Variants in MINDY3 observed in about 807,000 individuals in gnomAD.
The protein encoded by MINDY3 is MINDY lysine 48 deubiquitinase 3, also known as ubiquitin carboxyl-terminal hydrolase MINDY-3.
MINDY3 carries 38 observed loss-of-function variants against 69.2 expected under a neutral mutation model. The ratio of observed to expected loss-of-function variants is 0.55; its 90% CI spans 0.42 to 0.72. The LOEUF (loss-of-function observed/expected upper bound fraction) is 0.72, where lower values mean the gene tolerates loss of function less well. Ranked by LOEUF, MINDY3 falls within the 30% of genes least tolerant of loss-of-function variation. The pLI is 0.00. For missense variants in MINDY3, 522 were observed against 519.0 expected, an observed-to-expected ratio of 1.01 and a Z score of -0.06; for synonymous variants, 192 against 180.1, an observed-to-expected ratio of 1.07 and a Z score of -0.53.
rs181736141 is a variant in MINDY3, at chr10:15,814,836, A to G, written c.882+1999T>C. On this transcript the variant is annotated intron_variant, in intron 10 of 14. Transcript: ENST00000277632. ...AGTGTACTCATAAAAAGAAGGGCCT[A>G]TTTCACTCTTGGGAACTCCCTCAAC... Among the ~76,000 whole-genome samples the G allele has an allele frequency of 6.1e-4, 93 of 152,162 alleles. 1 individual carries two copies. The East Asian group carries it at 0.014, about 22-fold the overall frequency.
intron 12 of MINDY3, chr10:15,788,970 G>A (rs1227606547): frequency 3.7e-6 from 1 of 269,004 alleles, no homozygotes; most frequent in African/African-American, 2.2e-5. Context: ...GTGGGGAAGT[G>A]TTTGCAGAGA....
chr10:15,830,641 T>C (rs145943219), intron 8 of MINDY3, among the ~76,000 whole-genome samples: 3 of 152,258 alleles, frequency 2.0e-5, no homozygotes, highest in East Asian at 3.9e-4. Flanking sequence ...GAAGCTGAGA[T>C]TGAGATTTTA....
chr10:15,820,861 T>G (rs1317577682), intron 9 of MINDY3, among the ~76,000 whole-genome samples: 4 of 152,122 alleles, frequency 2.6e-5, no homozygotes, highest in African/African-American at 9.7e-5. Flanking sequence ...ATCCCAGCAC[T>G]TAGGGATGGA....
chr10:15,782,493 T>C (rs183711073), intron 13 of MINDY3, among the ~76,000 whole-genome samples: 48 of 152,308 alleles, frequency 3.2e-4, no homozygotes, highest in Admixed American at 2.7e-3. Context: ...TTTTTAATTA[T>C]GTGCATGTAT....
chr10:15,825,314 A>G (rs1840017621), intron 8 of MINDY3, among the ~76,000 whole-genome samples: 1 of 152,226 alleles, frequency 6.6e-6, no homozygotes. Flanking sequence ...TGTACTCTAC[A>G]TTTGCAAAAA....
At chr10:15,789,842 G>A (rs559196337) in intron 11 of MINDY3, among the ~76,000 whole-genome samples, 22 of 152,100 alleles carry the variant, frequency 1.4e-4, no homozygotes, top group African/African-American at 5.1e-4. Context: ...AAAGCTGTAG[G>A]TTTAAAAAAA....
chr10:15,791,966 TC>T (rs1417913731), intron 11 of MINDY3, among the ~76,000 whole-genome samples: 2 of 152,060 alleles, frequency 1.3e-5, no homozygotes, highest in African/African-American at 4.8e-5. Context: ...TGTTGGATAC[TC>T]AAAACTAACA....
chr10:15,855,720 G>T (rs1834644518), intron 1 of MINDY3, among the ~76,000 whole-genome samples: 1 of 152,030 alleles, frequency 6.6e-6, no homozygotes. Flanking sequence ...AGCCTTCCAT[G>T]TAAACAAGGC....
intron 12 of MINDY3, among the ~76,000 whole-genome samples, chr10:15,788,182 C>G (rs752303921): frequency 3.9e-5 from 6 of 152,074 alleles, no homozygotes; most frequent in Non-Finnish European, 5.9e-5. Flanking sequence ...ACAACATGGT[C>G]TCTACTTGGA....
intron 3 of MINDY3, among the ~76,000 whole-genome samples, chr10:15,843,007 A>C (rs1833586511): frequency 6.6e-6 from 1 of 151,586 alleles, no homozygotes; most frequent in Admixed American, 6.6e-5. Flanking sequence ...TTTTTCCCTT[A>C]GTTATACCAT....
chr10:15,797,160 G>A (rs1342917190), intron 10 of MINDY3, among the ~76,000 whole-genome samples: 1 of 152,040 alleles, frequency 6.6e-6, no homozygotes, highest in African/African-American at 2.4e-5. Flanking sequence ...CACAGGTGAA[G>A]AAACTAAGAA....
intron 11 of MINDY3, among the ~76,000 whole-genome samples, chr10:15,795,146 G>A (rs764961159): frequency 6.6e-6 from 1 of 152,144 alleles, no homozygotes; most frequent in Middle Eastern, 3.4e-3. Context: ...TTGGACAACT[G>A]CTTGTACCAC....
At chr10:15,842,892 T>TA (rs1833572332) in intron 3 of MINDY3, among the ~76,000 whole-genome samples, 1 of 97,218 alleles carries the variant, frequency 1.0e-5, no homozygotes, top group African/African-American at 3.7e-5. Context: ...TGCCCACAGC[T>TA]AAATAAGACT....
At chr10:15,788,315 T>G (rs571547975) in intron 12 of MINDY3, among the ~76,000 whole-genome samples, 1 of 152,138 alleles carries the variant, frequency 6.6e-6, no homozygotes, top group Non-Finnish European at 1.5e-5. Context: ...CTATTGAGAA[T>G]GGATGAAATC....
At chr10:15,839,787 T>G (rs557286113) in intron 4 of MINDY3, among the ~76,000 whole-genome samples, 1 of 151,804 alleles carries the variant, frequency 6.6e-6, no homozygotes, top group Admixed American at 6.6e-5. Flanking sequence ...GTATTTCAAA[T>G]GTATACATTA....
At chr10:15,842,497 C>T (rs1833545558) in intron 3 of MINDY3, among the ~76,000 whole-genome samples, 1 of 151,676 alleles carries the variant, frequency 6.6e-6, no homozygotes, top group Admixed American at 6.6e-5. Flanking sequence ...TGTATTTCAC[C>T]TATTAATTTA....
rs373679443 is a variant in MINDY3 at position 15,798,028 on chromosome 10, A to G, written c.883-1856T>C. 3.8e-4 allele frequency among the ~76,000 whole-genome samples: 58 copies of G among 152,286 alleles called. No homozygotes were observed. In the South Asian group the frequency reaches 0.011, roughly 30 times the overall value. On this transcript the variant is annotated intron_variant, in intron 10 of 14. Transcript: ENST00000277632. ...AGATTCAAATTTTATGCAGAGGGGA[A>G]CTTACAGGGGCACAAAATCAGGATA...
At chr10:15,817,233 T>G (rs571281001) in intron 9 of MINDY3, 1 of 216,742 alleles carries the variant, frequency 4.6e-6, no homozygotes, top group Admixed American at 5.8e-5. Context: ...TGACCACTTC[T>G]TAGAATTTCA....
chr10:15,821,777 G>T (rs1839784736), intron 8 of MINDY3, 51 bp from the exon 9 acceptor site: 1 of 1,477,650 alleles, frequency 6.8e-7, no homozygotes. Context: ...CATTGTAGTA[G>T]TGTGTATAAA....
Sources: allele counts gnomAD v4.1 joint callset (sites outside exome capture counted in the v4.1 genomes callset), GRCh38; gene constraint gnomAD v4.1.1; transcripts MANE v1.5; gene names NCBI Gene and HGNC (gene_info 2026-07-23, HGNC 2026-07-21).